SVIL: variants seen among roughly 807,000 people sequenced by gnomAD.
SVIL encodes the protein supervillin.
In SVIL, 101 loss-of-function variants were observed where a neutral mutation model predicts 240.4. That is an observed-to-expected ratio of 0.42 (90% CI 0.36 to 0.50). SVIL has a LOEUF of 0.50. Among genes scored for constraint, SVIL ranks in the 20% least tolerant of loss-of-function variants. The pLI is 0.01. For missense variants in SVIL, 2,512 were observed against 2,818.7 expected (o/e 0.89, Z 2.46); for synonymous variants, 999 against 1,100.0 (o/e 0.91, Z 1.82).
intron 32 of SVIL, chr10:29,468,970 C>T (rs1353819270): frequency 1.3e-5 from 2 of 152,152 alleles, no homozygotes; most frequent in Non-Finnish European, 2.9e-5. Context: ...CACCAAGTCC[C>T]CAGTTCCTAA....
chr10:29,652,777 T>C (rs981600827), intron 3 of SVIL, among the ~76,000 whole-genome samples: 6 of 152,194 alleles, frequency 3.9e-5, no homozygotes, highest in Non-Finnish European at 7.3e-5. Flanking sequence ...AATTTGCATT[T>C]CCCTAATGGC....
chr10:29,526,809 T>C lies in SVIL; in HGVS notation c.2342+152A>G, dbSNP rs56159903. On this transcript the variant is annotated intron_variant, in intron 13 of 37. Transcript: ENST00000355867. Reference sequence around the variant, plus strand: ...CCAGCATGTGGTTATCAGCACCTTGTGCTATGACAAAACAAAATGCCACGC... The same window carrying C: ...CCAGCATGTGGTTATCAGCACCTTGCGCTATGACAAAACAAAATGCCACGC... 0.11 allele frequency: 66,279 copies of C among 609,978 alleles called. 5,419 individuals are homozygous for C. Among genetic ancestry groups the C allele is most frequent in the African/African-American group, 0.32 (16,762 of 52,044 alleles). 37.8% of individuals were successfully genotyped at this position (609,978 alleles called of 1,614,324 possible).
chr10:29,473,644 C>T (rs958109082), intron 30 of SVIL, 194 bp downstream of exon 30: 2 of 656,450 alleles, frequency 3.0e-6, no homozygotes, highest in African/African-American at 1.8e-5. Context: ...GATCATCTTA[C>T]AAAAAGTGGG....
intron 1 of SVIL, among the ~76,000 whole-genome samples, chr10:29,629,834 G>A (rs1165423339): frequency 6.8e-6 from 1 of 147,640 alleles, no homozygotes; most frequent in Non-Finnish European, 1.5e-5. Flanking sequence ...TTTTTAATTA[G>A]CTGGGCATAG....
intron 1 of SVIL, among the ~76,000 whole-genome samples, chr10:29,587,154 G>C (rs547073834): frequency 6.6e-6 from 1 of 152,330 alleles, no homozygotes; most frequent in Admixed American, 6.5e-5. Context: ...TCTGTCCTTC[G>C]GACAGTCACC....
intron 2 of SVIL, among the ~76,000 whole-genome samples, chr10:29,566,994 G>A (rs1955027285): frequency 6.6e-6 from 1 of 152,178 alleles, no homozygotes; most frequent in South Asian, 2.1e-4. Context: ...AGTTAGTGCT[G>A]TCCACTTCAT....
intron 3 of SVIL, among the ~76,000 whole-genome samples, chr10:29,650,732 T>C (rs1462730682): frequency 6.6e-6 from 1 of 152,110 alleles, no homozygotes; most frequent in Non-Finnish European, 1.5e-5. Flanking sequence ...GGGAGGATCA[T>C]TGAGGTCAGG....
chr10:29,596,330 G>T (rs1430983064), intron 1 of SVIL, among the ~76,000 whole-genome samples: 1 of 152,146 alleles, frequency 6.6e-6, no homozygotes, highest in East Asian at 1.9e-4. Flanking sequence ...CAAATGAGCT[G>T]GGCATGGTGG....
intron 6 of SVIL, among the ~76,000 whole-genome samples, chr10:29,541,593 C>G (rs4556437): frequency 6.6e-6 from 1 of 152,142 alleles, no homozygotes; most frequent in Non-Finnish European, 1.5e-5. Context: ...CAGTGAAGGC[C>G]TGAATGCTGT....
chr10:29,604,102 G>C (rs1228654285), intron 1 of SVIL, among the ~76,000 whole-genome samples: 1 of 152,036 alleles, frequency 6.6e-6, no homozygotes, highest in Non-Finnish European at 1.5e-5. Flanking sequence ...CCATGGTGCA[G>C]TACAATAAGA....
intron 3 of SVIL, among the ~76,000 whole-genome samples, chr10:29,643,226 A>G (rs1039311419): frequency 6.6e-6 from 1 of 152,232 alleles, no homozygotes; most frequent in Non-Finnish European, 1.5e-5. Context: ...CTGTCAGTGC[A>G]GGAAAGTAAG....
chr10:29,622,119 G>A (rs543309946), intron 1 of SVIL, among the ~76,000 whole-genome samples: 2 of 150,828 alleles, frequency 1.3e-5, no homozygotes, highest in Non-Finnish European at 3.0e-5. Flanking sequence ...GCGTGGTGGC[G>A]GGCGCCTGTA....
intron 1 of SVIL, among the ~76,000 whole-genome samples, chr10:29,721,429 T>C (rs760743616): frequency 2.6e-5 from 4 of 152,046 alleles, no homozygotes; most frequent in Non-Finnish European, 5.9e-5. Context: ...AATTTTCATA[T>C]TGGGGAAAAA....
chr10:29,549,424 G>A (rs12771751), intron 6 of SVIL, among the ~76,000 whole-genome samples: 6,596 of 79,388 alleles, frequency 0.083, 286 homozygotes, highest in East Asian at 0.1. Context: ...ACTGTTGGTG[G>A]GACTGTAAAC....
intron 17 of SVIL, among the ~76,000 whole-genome samples, chr10:29,505,433 G>C (rs1347041710): frequency 6.6e-6 from 1 of 152,038 alleles, no homozygotes; most frequent in African/African-American, 2.4e-5. Context: ...ATCTGAAAAG[G>C]CTACATACTG....
At chr10:29,688,532 CCT>C (rs1961263589) in intron 1 of SVIL, among the ~76,000 whole-genome samples, 1 of 152,214 alleles carries the variant, frequency 6.6e-6, no homozygotes. Flanking sequence ...TTCTTTTGTT[CCT>C]CTCTGTTTCA....
chr10:29,529,954 G>A (rs1951239563), intron 11 of SVIL, 110 bp from the exon 12 acceptor site: 3 of 1,188,358 alleles, frequency 2.5e-6, no homozygotes, highest in Admixed American at 6.1e-5. Flanking sequence ...GAAGATTGCT[G>A]GAGGCCAAGA....
At chr10:29,598,932 C>G (rs1353710211) in intron 1 of SVIL, among the ~76,000 whole-genome samples, 2 of 152,198 alleles carry the variant, frequency 1.3e-5, no homozygotes, top group Non-Finnish European at 2.9e-5. Context: ...GGAACATGAG[C>G]TAATGCACAG....
At chr10:29,647,983 A>C (rs1276194936) in intron 3 of SVIL, among the ~76,000 whole-genome samples, 5 of 151,534 alleles carry the variant, frequency 3.3e-5, no homozygotes, top group South Asian at 4.2e-4. Context: ...AAAAAAAAAA[A>C]AACAAAAAAA....
Sources: allele counts gnomAD v4.1 joint callset (sites outside exome capture counted in the v4.1 genomes callset), GRCh38; gene constraint gnomAD v4.1.1; transcripts MANE v1.5; gene names NCBI Gene and HGNC (gene_info 2026-07-23, HGNC 2026-07-21).